TEAD1: variants seen among roughly 807,000 people sequenced by gnomAD.
TEAD1 encodes TEA domain transcription factor 1.
TEAD1 carries 9 observed loss-of-function variants against 54.9 expected under a neutral mutation model. That is an observed-to-expected ratio of 0.16 (90% CI 0.10 to 0.29). The LOEUF (loss-of-function observed/expected upper bound fraction) is 0.29. Ranked by LOEUF, TEAD1 falls within the 10% of genes least tolerant of loss-of-function variation. The pLI, the probability that TEAD1 is intolerant of heterozygous loss-of-function variation, is 1.00. For missense variants in TEAD1, 387 were observed against 535.9 expected (o/e 0.72, Z 2.74); for synonymous variants, 200 against 187.8 (o/e 1.07, Z -0.53).
intron 2 of TEAD1, among the ~76,000 whole-genome samples, chr11:12,724,746 G>C (rs1944281189): frequency 6.6e-6 from 1 of 152,154 alleles, no homozygotes; most frequent in African/African-American, 2.4e-5. Context: ...CCCTACTCTG[G>C]GATGGGAATT....
At chr11:12,737,328 CA>C (rs5789738) in intron 2 of TEAD1, among the ~76,000 whole-genome samples, 199 of 131,838 alleles carry the variant, frequency 1.5e-3, no homozygotes, top group African/African-American at 1.6e-3. Flanking sequence ...AAAGACTAAG[CA>C]AAAAAAAAAA....
At chr11:12,679,382 A>G (rs1403912328) in intron 2 of TEAD1, among the ~76,000 whole-genome samples, 2 of 152,226 alleles carry the variant, frequency 1.3e-5, no homozygotes, top group Admixed American at 1.3e-4. Context: ...ATGGGCTTAA[A>G]AGAAAAAGCT....
chr11:12,749,096 G>A (rs1274532468), intron 2 of TEAD1, among the ~76,000 whole-genome samples: 1 of 152,164 alleles, frequency 6.6e-6, no homozygotes, highest in Non-Finnish European at 1.5e-5. Flanking sequence ...TGTTGATGGT[G>A]TCAGGGCCCA....
chr11:12,810,925 T>G (rs1218328284), intron 3 of TEAD1, among the ~76,000 whole-genome samples: 1 of 152,142 alleles, frequency 6.6e-6, no homozygotes, highest in Non-Finnish European at 1.5e-5. Context: ...GTCATTTGGA[T>G]GGAGGTGGCC....
intron 2 of TEAD1, among the ~76,000 whole-genome samples, chr11:12,715,597 G>C (rs1301353974): frequency 1.3e-5 from 2 of 152,132 alleles, no homozygotes; most frequent in African/African-American, 4.8e-5. Context: ...GGCTGCTGGA[G>C]ACAGGCCTAC....
chr11:12,787,027 A>C (rs1370604747), intron 3 of TEAD1, among the ~76,000 whole-genome samples: 1 of 152,178 alleles, frequency 6.6e-6, no homozygotes, highest in East Asian at 1.9e-4. Flanking sequence ...TGGAGGTCAG[A>C]GCTCAGATCT....
At chr11:12,906,765 A>G (rs1326181279) in intron 10 of TEAD1, among the ~76,000 whole-genome samples, 2 of 152,240 alleles carry the variant, frequency 1.3e-5, no homozygotes, top group African/African-American at 4.8e-5. Context: ...GACATTTCAT[A>G]TGAATGAAAT....
intron 3 of TEAD1, among the ~76,000 whole-genome samples, chr11:12,810,634 TC>T (rs558054868): frequency 4.3e-4 from 65 of 152,302 alleles, no homozygotes; most frequent in African/African-American, 1.5e-3. Flanking sequence ...ATGATTGGGA[TC>T]TGTGCTGCAC....
At chr11:12,850,995 T>A (rs902296155) in intron 3 of TEAD1, 2 of 880,964 alleles carry the variant, frequency 2.3e-6, no homozygotes. Flanking sequence ...TTAAAAGGAT[T>A]TACAGATTTC....
intron 2 of TEAD1, among the ~76,000 whole-genome samples, chr11:12,704,263 G>C (rs1032458123): frequency 2.0e-5 from 3 of 152,144 alleles, no homozygotes; most frequent in Admixed American, 6.5e-5. Flanking sequence ...AAATTTGCCG[G>C]AGGGGCCACT....
At chr11:12,881,997 A>T in intron 8 of TEAD1, 40 bp downstream of exon 8, 1 of 1,601,844 alleles carries the variant, frequency 6.2e-7, no homozygotes, top group South Asian at 1.1e-5. Context: ...GCACAGCCCC[A>T]CACAGCTGAC....
intron 2 of TEAD1, among the ~76,000 whole-genome samples, chr11:12,715,902 G>A (rs1944050307): frequency 6.6e-6 from 1 of 152,072 alleles, no homozygotes; most frequent in Admixed American, 6.6e-5. Context: ...GGGGTTCCCA[G>A]ATTAACAGGT....
chr11:12,806,941 G>A (rs538024275), intron 3 of TEAD1, among the ~76,000 whole-genome samples: 1 of 152,112 alleles, frequency 6.6e-6, no homozygotes, highest in South Asian at 2.1e-4. Flanking sequence ...GCTGTTTGGG[G>A]CAAAAAAAAT....
intron 12 of TEAD1, among the ~76,000 whole-genome samples, chr11:12,936,667 T>C (rs897613828): frequency 6.6e-6 from 1 of 152,234 alleles, no homozygotes; most frequent in Admixed American, 6.5e-5. Context: ...CCCATAAATA[T>C]ATGTACTGCA....
At chr11:12,761,289 G>A (rs551609845) in intron 2 of TEAD1, among the ~76,000 whole-genome samples, 22 of 152,316 alleles carry the variant, frequency 1.4e-4, no homozygotes, top group Admixed American at 1.1e-3. Flanking sequence ...AGCAGTTCAA[G>A]TAGCAGAAAT....
intron 5 of TEAD1, among the ~76,000 whole-genome samples, chr11:12,876,468 T>C (rs1325698577): frequency 6.6e-6 from 1 of 152,148 alleles, no homozygotes; most frequent in Non-Finnish European, 1.5e-5. Context: ...GTCTGCAGAA[T>C]TTCAAATACG....
chr11:12,914,191 A>G (rs1440276), intron 10 of TEAD1, among the ~76,000 whole-genome samples: 15,298 of 152,308 alleles, frequency 0.1, 1,121 homozygotes, highest in African/African-American at 0.2. Flanking sequence ...CAGCCTTTCA[A>G]CCAGTGCATA....
chr11:12,710,879 A>G (rs1943922286), intron 2 of TEAD1, among the ~76,000 whole-genome samples: 2 of 152,090 alleles, frequency 1.3e-5, no homozygotes, highest in African/African-American at 4.8e-5. Context: ...AGTGAGTGCT[A>G]GCGTCTCCTG....
At chr11:12,764,909 T>A (rs1329603722) in intron 3 of TEAD1, among the ~76,000 whole-genome samples, 2 of 149,948 alleles carry the variant, frequency 1.3e-5, no homozygotes, top group African/African-American at 2.5e-5. Context: ...AAATCTACTC[T>A]TTTTAAAAAG....
Sources: gnomAD v4.1 joint callset for allele counts (sites outside exome capture counted in the v4.1 genomes callset) on GRCh38, gnomAD v4.1.1 for gene constraint, MANE v1.5 for transcripts, NCBI Gene and HGNC (gene_info 2026-07-23, HGNC 2026-07-21) for gene names.